The following C19orf73 variants were observed in gnomAD, a reference collection of about 807,000 sequenced individuals.
C19orf73 encodes putative uncharacterized protein C19orf73.
For synonymous variants in C19orf73, 86 were observed against 79.1 expected (o/e 1.09, Z -0.46); for missense variants, 211 against 177.6 (o/e 1.19, Z -1.07).
rs2040889752 is a variant in C19orf73, at chr19:49,119,126, G to T, written c.-104C>A. ...TCGCGTTCCACGCCGCGCGCTACTC[G>T]CTCCAGGTGACATCATCCCCCTGCC... On this transcript the variant is annotated 5_prime_UTR_variant, in exon 1 of 1. Coordinates refer to ENST00000408991, the MANE Select transcript of C19orf73 (RefSeq NM_018111.3). 1 of 1,501,200 alleles carries T rather than the reference G, an allele frequency of 6.7e-7. No homozygotes were observed. The highest frequency in any genetic ancestry group is 9.0e-7 in the Non-Finnish European group (1 of 1,107,552). 93.0% of individuals were successfully genotyped at this position (1,501,200 alleles called of 1,614,324 possible).
At position 49,119,046 on chromosome 19, in the gene C19orf73, GT is replaced by G; in HGVS notation, c.-25del. 6.2e-7 allele frequency: 1 copy of G among 1,612,804 alleles called. No individual in the cohort carries two copies. Among genetic ancestry groups the G allele is most frequent in the Non-Finnish European group, 8.5e-7 (1 of 1,179,554 alleles). On this transcript the variant is annotated 5_prime_UTR_variant, in exon 1 of 1. Transcript: ENST00000408991. ...ATCCCGCTGCCCGCCCAGCCCTCGTGTCCCGTGCGGCGCGAGGGCTAGTGCG... is the reference window on the plus strand; with the variant it reads ...ATCCCGCTGCCCGCCCAGCCCTCGTGCCCGTGCGGCGCGAGGGCTAGTGCG...
Position 49,118,626 on chromosome 19 carries a change from C to G in C19orf73, c.*7G>C. ...CTGAAGGCGGAGACAGGCCGGCTTC[C>G]AAGAGACTAGTCCGAGGGCGGAGGG... On this transcript the variant is annotated 3_prime_UTR_variant, in exon 1 of 1. Transcript: ENST00000408991. 1 of 1,603,532 alleles carries G rather than the reference C, an allele frequency of 6.2e-7. No individual in the cohort carries two copies. The highest frequency in any genetic ancestry group is 8.5e-7 in the Non-Finnish European group (1 of 1,173,398).
rs1000029134 is a variant in C19orf73 at position 49,118,920 on chromosome 19, C to T, written c.103G>A (p.Ala35Thr). The T allele has an allele frequency of 5.0e-6, 8 of 1,613,302 alleles. No individual in the cohort carries two copies. Residue 35 changes from alanine to threonine, a missense_variant, in exon 1 of 1, where the codon GCA becomes ACA. Transcript: ENST00000408991. ...AGTTCCCGAGGCGGGCGCAGGGGTGCAGAATGAGGTGCCCTCGCCCACCGG... is the reference window on the plus strand; with the variant it reads ...AGTTCCCGAGGCGGGCGCAGGGGTGTAGAATGAGGTGCCCTCGCCCACCGG... ...SARWARAPHS[A>T]PLRPPRELHA... is the part of the protein sequence containing the mutation.
rs893983268 is a variant in C19orf73 at position 49,118,937 on chromosome 19, G to C, written c.86C>G (p.Ala29Gly). Reference sequence around the variant, plus strand: ...CAGGGGTGCAGAATGAGGTGCCCTCGCCCACCGGGCGCTCACTCCACCTTC... The same window carrying C: ...CAGGGGTGCAGAATGAGGTGCCCTCCCCCACCGGGCGCTCACTCCACCTTC... ...CLEGGVSARW[A>G]RAPHSAPLRP... Residue 29 changes from alanine to glycine, a missense_variant, in exon 1 of 1, where the codon GCG becomes GGG. Coordinates refer to ENST00000408991, the MANE Select transcript of C19orf73 (RefSeq NM_018111.3). 3 of 1,613,540 alleles carry C rather than the reference G, an allele frequency of 1.9e-6. No individual in the cohort carries two copies. Among genetic ancestry groups the C allele is most frequent in the Non-Finnish European group, 2.5e-6 (3 of 1,179,764 alleles).
At position 49,119,118 on chromosome 19, in the gene C19orf73, C is replaced by G; in HGVS notation, c.-96G>C. On this transcript the variant is annotated 5_prime_UTR_variant, in exon 1 of 1. Coordinates refer to ENST00000408991, the MANE Select transcript of C19orf73 (RefSeq NM_018111.3). ...GTCGCGACTCGCGTTCCACGCCGCG[C>G]GCTACTCGCTCCAGGTGACATCATC... The G allele has an allele frequency of 6.5e-7, 1 of 1,545,282 alleles. No homozygotes were observed. The highest frequency in any genetic ancestry group is 8.8e-7 in the Non-Finnish European group (1 of 1,136,214).
At position 49,118,414 on chromosome 19, in the gene C19orf73, C is replaced by G. The variant is rs1568429685; in HGVS notation, c.*219G>C. ...CGTTCACGTGCACTCTCTTCCTGTA[C>G]AGTATTTATTGTTCCTGGCACTTTA... On this transcript the variant is annotated 3_prime_UTR_variant, in exon 1 of 1. Coordinates refer to ENST00000408991, the MANE Select transcript of C19orf73 (RefSeq NM_018111.3). The G allele has an allele frequency of 6.2e-6, 10 of 1,609,500 alleles. No individual in the cohort carries two copies. The highest frequency in any genetic ancestry group is 8.5e-6 in the Non-Finnish European group (10 of 1,175,764).
In C19orf73 at chr19:49,118,881, G is replaced by C; in HGVS notation, c.142C>G (p.Pro48Ala). 6.2e-7 allele frequency: 1 copy of C among 1,612,986 alleles called. No individual in the cohort carries two copies. The highest frequency in any genetic ancestry group is 8.5e-7 in the Non-Finnish European group (1 of 1,179,416). The change falls in exon 1 of 1, where the codon CCA becomes GCA. Residue 48 changes from proline (P) to alanine (A), a missense_variant. By Grantham distance (27) the Pro-to-Ala change is conservative (BLOSUM62 -1). Coordinates refer to ENST00000408991, the MANE Select transcript of C19orf73 (RefSeq NM_018111.3). ...RPPRELHAAP[P>A]PATPTQTVVR... ...ACTGTCTGCGTGGGAGTCGCGGGTG[G>C]GGGTGCCGCGTGCAGTTCCCGAGGC...
At chr19:49,118,892 T>TGC in the C19orf73 span, 1 of 1,613,066 alleles carries the variant, frequency 6.2e-7, no homozygotes, top group Non-Finnish European at 8.5e-7. Flanking sequence ...GGGTGCCGCG[T>TGC]GCAGTTCCCG....
In C19orf73 at chr19:49,118,619, C is replaced by A. The variant is rs1325759764; in HGVS notation, c.*14G>T. The A allele has an allele frequency of 2.1e-5, 34 of 1,598,326 alleles. No individual in the cohort carries two copies. In the Admixed American group the frequency reaches 4.8e-4, roughly 23 times the overall value. On this transcript the variant is annotated 3_prime_UTR_variant, in exon 1 of 1. Coordinates refer to ENST00000408991, the MANE Select transcript of C19orf73 (RefSeq NM_018111.3). ...CCTAGGTCTGAAGGCGGAGACAGGC[C>A]GGCTTCCAAGAGACTAGTCCGAGGG...
chr19:49,118,493 G>A lies in C19orf73; in HGVS notation c.*140C>T. The stretch of plus-strand genomic sequence containing the variant: ...TCTGTGTGTCTGTCCTGCATCCCTG[G>A]GTTGGTGTCTTGAGATGTGGAGGGA... On this transcript the variant is annotated 3_prime_UTR_variant, in exon 1 of 1. Transcript: ENST00000408991. 3 of 1,566,648 alleles carry A rather than the reference G, an allele frequency of 1.9e-6. No homozygotes were observed. In the South Asian group the frequency reaches 3.4e-5, roughly 18 times the overall value.
chr19:49,118,829 C>T lies in C19orf73; in HGVS notation c.194G>A (p.Arg65Gln), dbSNP rs1600314138. Reference protein sequence around the residue: ...TVVRPAGFPRRTRLMVRSAPP... With the variant: ...TVVRPAGFPRQTRLMVRSAPP... The stretch of plus-strand genomic sequence containing the variant: ...GGCGGAGCGAACCATTAGCCTCGTC[C>T]GCCGGGGGAACCCTGCAGGCCGCAC... The change falls in exon 1 of 1, where the codon CGG becomes CAG. Residue 65 changes from arginine to glutamine, a missense_variant. Coordinates refer to ENST00000408991, the MANE Select transcript of C19orf73 (RefSeq NM_018111.3). 2.5e-6 allele frequency: 4 copies of T among 1,613,840 alleles called. No homozygotes were observed. In the East Asian group the frequency reaches 6.7e-5, roughly 27 times the overall value.
rs777548313 is a variant in C19orf73 at position 49,118,730 on chromosome 19, G to T, written c.293C>A (p.Pro98His). The change falls in exon 1 of 1, where the codon CCT becomes CAT. Residue 98 changes from proline (P) to histidine (H), a missense_variant. Pro to His is a moderately conservative substitution (Grantham distance 77, BLOSUM62 -2). Transcript: ENST00000408991. ...GLWRKGLGLRPQTLLRVGSVV... is the reference protein window; with the variant it reads ...GLWRKGLGLRHQTLLRVGSVV... ...GCTGCCTACCCTTAAGAGCGTCTGA[G>T]GGCGAAGGCCAAGTCCCTTCCTCCA... The T allele has an allele frequency of 6.2e-7, 1 of 1,614,210 alleles. No individual in the cohort carries two copies. The highest frequency in any genetic ancestry group is 1.1e-5 in the South Asian group (1 of 91,088).
rs2122481835 is a variant in C19orf73, at chr19:49,118,569, C to CT, written c.*63dup. 1 of 1,573,860 alleles carries CT rather than the reference C, an allele frequency of 6.4e-7. No homozygotes were observed. The highest frequency in any genetic ancestry group is 1.4e-5 in the African/African-American group (1 of 73,954). On this transcript the variant is annotated 3_prime_UTR_variant, in exon 1 of 1. Transcript: ENST00000408991. ...GCCGTTGAGAAGCCTTTTCCAGAGTCTGAGAACAGAGGTTAAGACCTCTCC... is the reference window on the plus strand; with the variant it reads ...GCCGTTGAGAAGCCTTTTCCAGAGTCTTGAGAACAGAGGTTAAGACCTCTCC...
Position 49,118,905 on chromosome 19 carries a change from G to C in C19orf73, c.118C>G (p.Pro40Ala), listed in dbSNP as rs1477104812. ...GGGGGTGCCGCGTGCAGTTCCCGAGGCGGGCGCAGGGGTGCAGAATGAGGT... is the reference window on the plus strand; with the variant it reads ...GGGGGTGCCGCGTGCAGTTCCCGAGCCGGGCGCAGGGGTGCAGAATGAGGT... ...RAPHSAPLRP[P>A]RELHAAPPPA... is the part of the protein sequence containing the mutation. Residue 40 changes from proline to alanine, a missense_variant, in exon 1 of 1, where the codon CCT becomes GCT. Coordinates refer to ENST00000408991, the MANE Select transcript of C19orf73 (RefSeq NM_018111.3). 1 of 1,613,188 alleles carries C rather than the reference G, an allele frequency of 6.2e-7. No homozygotes were observed. Among genetic ancestry groups the C allele is most frequent in the African/African-American group, 1.3e-5 (1 of 74,922 alleles).
At position 49,118,591 on chromosome 19, in the gene C19orf73, C is replaced by T. The variant is rs772826360; in HGVS notation, c.*42G>A. On this transcript the variant is annotated 3_prime_UTR_variant, in exon 1 of 1. Coordinates refer to ENST00000408991, the MANE Select transcript of C19orf73 (RefSeq NM_018111.3). ...AGTCTGAGAACAGAGGTTAAGACCT[C>T]TCCCTAGGTCTGAAGGCGGAGACAG... 85 of 1,582,818 alleles carry T rather than the reference C, an allele frequency of 5.4e-5. No homozygotes were observed. Among genetic ancestry groups the T allele is most frequent in the African/African-American group, 8.1e-5 (6 of 74,128 alleles).
Position 49,119,067 on chromosome 19 carries a change from A to G in C19orf73, c.-45T>C, listed in dbSNP as rs1476462207. The G allele has an allele frequency of 1.2e-6, 2 of 1,609,552 alleles. No homozygotes were observed. The highest frequency in any genetic ancestry group is 1.7e-5 in the Admixed American group (1 of 59,356). On this transcript the variant is annotated 5_prime_UTR_variant, in exon 1 of 1. It removes the in-frame stop codon of an upstream open reading frame in the 5' UTR. Coordinates refer to ENST00000408991, the MANE Select transcript of C19orf73 (RefSeq NM_018111.3). ...TCGTGTCCCGTGCGGCGCGAGGGCT[A>G]GTGCGCGCCACTGCCGGGAGCCGGG...
In C19orf73 at chr19:49,118,715, C is replaced by A. The variant is rs1417981313; in HGVS notation, c.308G>T (p.Arg103Met). The A allele has an allele frequency of 1.2e-6, 2 of 1,614,118 alleles. No homozygotes were observed. Among genetic ancestry groups the A allele is most frequent in the Admixed American group, 1.7e-5 (1 of 60,030 alleles). The change falls in exon 1 of 1, where the codon AGG (arginine) becomes ATG (methionine). Residue 103 changes from arginine to methionine, a missense_variant. Physicochemically the swap from Arg to Met is moderately conservative, Grantham distance 91. Transcript: ENST00000408991. ...GLGLRPQTLLRVGSVVLSSAP... is the reference protein window; with the variant it reads ...GLGLRPQTLLMVGSVVLSSAP... The stretch of plus-strand genomic sequence containing the variant: ...AGAACTGAGGACAACGCTGCCTACC[C>A]TTAAGAGCGTCTGAGGGCGAAGGCC...
chr19:49,118,757 A>G lies in C19orf73; in HGVS notation c.266T>C (p.Leu89Pro), dbSNP rs763616158. Residue 89 changes from leucine to proline, a missense_variant, in exon 1 of 1, where the codon CTC becomes CCC. Coordinates refer to ENST00000408991, the MANE Select transcript of C19orf73 (RefSeq NM_018111.3). ...PPTGSGCVSG[L>P]WRKGLGLRPQ... ...GCGAAGGCCAAGTCCCTTCCTCCAG[A>G]GTCCTGAAACGCAGCCGGAGCCAGT... 2.4e-5 allele frequency: 39 copies of G among 1,614,216 alleles called. No individual in the cohort carries two copies. Among genetic ancestry groups the G allele is most frequent in the Admixed American group, 8.3e-5 (5 of 60,026 alleles).
In C19orf73 at chr19:49,118,791, T is replaced by C. The variant is rs745608147; in HGVS notation, c.232A>G (p.Arg78Gly). 6.2e-7 allele frequency: 1 copy of C among 1,614,150 alleles called. No homozygotes were observed. The highest frequency in any genetic ancestry group is 1.7e-5 in the Admixed American group (1 of 60,022). The change falls in exon 1 of 1, where the codon AGG becomes GGG. Residue 78 changes from arginine (R) to glycine (G), a missense_variant. Coordinates refer to ENST00000408991, the MANE Select transcript of C19orf73 (RefSeq NM_018111.3). ...LMVRSAPPTQ[R>G]PPTGSGCVSG... The stretch of plus-strand genomic sequence containing the variant: ...ACGCAGCCGGAGCCAGTGGGCGGCC[T>C]CTGTGTGGGCGGGGCGGAGCGAACC...
Sources: allele counts gnomAD v4.1 joint callset, GRCh38; gene constraint gnomAD v4.1.1; transcripts MANE v1.5; gene names NCBI Gene and HGNC (gene_info 2026-07-23, HGNC 2026-07-21).